The following MRGBP variants were observed in gnomAD, a reference collection of about 807,000 sequenced individuals.
MRGBP encodes MRG/MORF4L-binding protein.
In MRGBP, 5 loss-of-function variants were observed where a neutral mutation model predicts 21.5. The observed-to-expected ratio is 0.23, with a 90% CI of 0.12 to 0.49. The LOEUF is 0.49. Among genes scored for constraint, MRGBP ranks in the 20% least tolerant of loss-of-function variants. The pLI is 0.98. For missense variants in MRGBP, 227 were observed against 277.4 expected, an observed-to-expected ratio of 0.82 and a Z score of 1.29; for synonymous variants, 118 against 104.4, an observed-to-expected ratio of 1.13 and a Z score of -0.79.
At chr20:62,798,310 C>A (rs765039182) in intron 2 of MRGBP, among the ~76,000 whole-genome samples, 1 of 152,164 alleles carries the variant, frequency 6.6e-6, no homozygotes, top group Admixed American at 6.5e-5. Context: ...CCTCAGGGCC[C>A]GCCTTAGTGA....
chr20:62,798,597 AG>A lies in MRGBP; in HGVS notation c.282del (p.Ile95PhefsTer26). On this transcript the variant is annotated frameshift_variant, in exon 3 of 5. Coordinates refer to ENST00000370487, the MANE Select transcript of MRGBP (RefSeq NM_018270.6). LOFTEE classifies it high-confidence loss of function. ...TCTATTTGATATCAGCATGAGTCTGAGATTCTTCCATTCCCGAATCCAGAGA... is the reference window on the plus strand; with the variant it reads ...TCTATTTGATATCAGCATGAGTCTGAATTCTTCCATTCCCGAATCCAGAGA... ...MYDMQALHES[E>X]ILPFPNPERN... 6.2e-7 allele frequency: 1 copy of A among 1,613,252 alleles called. No homozygotes were observed. The highest frequency in any genetic ancestry group is 8.5e-7 in the Non-Finnish European group (1 of 1,179,470).
intron 2 of MRGBP, 137 bp from the exon 3 acceptor site, chr20:62,798,450 C>A: frequency 1.4e-6 from 1 of 700,394 alleles, no homozygotes; most frequent in Non-Finnish European, 2.5e-6. Context: ...TTGCCCTTGC[C>A]CCGCCCGCCG....
rs138199693 is a variant in MRGBP at position 62,797,961 on chromosome 20, G to T, written c.271-626G>T. Among the ~76,000 whole-genome samples, 829 of 152,268 alleles carry T rather than the reference G, an allele frequency of 5.4e-3. 2 individuals carry two copies. The highest frequency in any genetic ancestry group is 8.0e-3 in the Non-Finnish European group (542 of 68,004). ...ACCAGGAGGAGTGGGGACCTGTGCT[G>T]GTGGAGAGTCTGTGCCAGCCACGTT... On this transcript the variant is annotated intron_variant, in intron 2 of 4. Transcript: ENST00000370487.
chr20:62,799,244 C>T (rs935225719), intron 4 of MRGBP, among the ~76,000 whole-genome samples, 195 bp downstream of exon 4: 10 of 152,110 alleles, frequency 6.6e-5, no homozygotes, highest in African/African-American at 2.4e-5. Context: ...AGGCCAGGGT[C>T]TGAGCGGCGG....
At position 62,800,511 on chromosome 20, in the gene MRGBP, G is replaced by C. The variant is rs1035837374; in HGVS notation, c.*868G>C. 1 of 152,332 alleles carries C rather than the reference G, an allele frequency of 6.6e-6. No individual in the cohort carries two copies. The highest frequency in any genetic ancestry group is 1.5e-5 in the Non-Finnish European group (1 of 68,032). The allele number at this position is 152,332 out of a possible 1,614,324, so 9.4% of individuals were successfully genotyped here. ...AGAGGCGGGGACCGTGCAGCTGTCG[G>C]CTGATGAGGAGGCGGCCGCCCCAGT... On this transcript the variant is annotated 3_prime_UTR_variant, in exon 5 of 5. Transcript: ENST00000370487.
At position 62,800,342 on chromosome 20, in the gene MRGBP, C is replaced by T. The variant is rs569650227; in HGVS notation, c.*699C>T. The T allele has an allele frequency of 6.5e-6, 1 of 152,690 alleles. No homozygotes were observed. The highest frequency in any genetic ancestry group is 1.9e-4 in the East Asian group (1 of 5,192). 9.5% of individuals were successfully genotyped at this position (152,690 alleles called of 1,614,324 possible). Reference sequence around the variant, plus strand: ...AGTGTTTTATATGAACAAAGTACTGCAGAAGTTAAACCTGTGTTGTATTTT... The same window carrying T: ...AGTGTTTTATATGAACAAAGTACTGTAGAAGTTAAACCTGTGTTGTATTTT... On this transcript the variant is annotated 3_prime_UTR_variant, in exon 5 of 5. Transcript: ENST00000370487.
intron 2 of MRGBP, 82 bp downstream of exon 2, chr20:62,797,313 C>T (rs1990359727): frequency 6.8e-7 from 1 of 1,468,774 alleles, no homozygotes; most frequent in African/African-American, 1.4e-5. Context: ...CTGAGCTGGG[C>T]AGAGGCCCCT....
rs1600762797 is a variant in MRGBP, at chr20:62,796,502, C to A, written c.-22C>A. The A allele has an allele frequency of 1.8e-6, 2 of 1,131,858 alleles. No individual in the cohort carries two copies. Among genetic ancestry groups the A allele is most frequent in the Non-Finnish European group, 1.1e-6 (1 of 923,816 alleles). 70.1% of individuals were successfully genotyped at this position (1,131,858 alleles called of 1,614,324 possible). Reference sequence around the variant, plus strand: ...CCGCGCCTGCTCCCGCCGGGGGCTCCTTGCTCGGCCGGGCCGCGGCCATGG... The same window carrying A: ...CCGCGCCTGCTCCCGCCGGGGGCTCATTGCTCGGCCGGGCCGCGGCCATGG... On this transcript the variant is annotated 5_prime_UTR_variant, in exon 1 of 5. Transcript: ENST00000370487.
At chr20:62,797,491 C>T (rs751561697) in intron 2 of MRGBP, among the ~76,000 whole-genome samples, 1 of 152,192 alleles carries the variant, frequency 6.6e-6, no homozygotes, top group Non-Finnish European at 1.5e-5. Context: ...GAGGACATCC[C>T]GGGGCTCCAG....
At chr20:62,797,032 TC>T (rs1990352775) in intron 1 of MRGBP, 77 bp from the exon 2 acceptor site, 2 of 1,293,382 alleles carry the variant, frequency 1.5e-6, no homozygotes, top group Admixed American at 2.5e-5. Flanking sequence ...GCCCCTCCAG[TC>T]CCCAGGGCAG....
intron 3 of MRGBP, 38 bp from the exon 4 acceptor site, chr20:62,798,937 C>T (rs1050697422): frequency 4.3e-6 from 7 of 1,612,542 alleles, no homozygotes; most frequent in African/African-American, 4.0e-5. Context: ...CGGCCACCAC[C>T]GTGGGTTTTC....
rs1352517432 is a variant in MRGBP at position 62,799,097 on chromosome 20, C to G, written c.427+48C>G. The G allele has an allele frequency of 3.4e-5, 53 of 1,558,352 alleles. 1 individual carries two copies. The highest frequency in any genetic ancestry group is 4.5e-5 in the Non-Finnish European group (52 of 1,145,798). ...CCTGATGCCCTTTGGGGCTCAGCAC[C>G]CCAAGACTGCCTTCAGGCAGGGCAC... On this transcript the variant is annotated intron_variant, in intron 4 of 4. Transcript: ENST00000370487.
chr20:62,801,061 G>A lies in MRGBP; in HGVS notation c.*1418G>A, dbSNP rs576032443. 4 of 152,304 alleles carry A rather than the reference G, an allele frequency of 2.6e-5. No individual in the cohort carries two copies. Among genetic ancestry groups the A allele is most frequent in the African/African-American group, 4.8e-5 (2 of 41,528 alleles). 9.4% of individuals were successfully genotyped at this position (152,304 alleles called of 1,614,324 possible). A position where few individuals can be genotyped will look rare whatever the true frequency, so the allele number is the denominator to read the frequency against. On this transcript the variant is annotated 3_prime_UTR_variant, in exon 5 of 5. Coordinates refer to ENST00000370487, the MANE Select transcript of MRGBP (RefSeq NM_018270.6). ...TCCCTGAAGTCCTCCTCACCATGAC[G>A]CAGATCACAAGGCACCCACTAAAGG...
At chr20:62,797,330 C>T in intron 2 of MRGBP, 99 bp downstream of exon 2, 1 of 1,407,172 alleles carries the variant, frequency 7.1e-7, no homozygotes, top group Non-Finnish European at 9.3e-7. Context: ...CCCTCCATGT[C>T]TGCTGGGGTC....
chr20:62,800,626 G>C lies in MRGBP; in HGVS notation c.*983G>C, dbSNP rs1377478720. The C allele has an allele frequency of 3.9e-5, 6 of 152,168 alleles. No homozygotes were observed. In the East Asian group the frequency reaches 1.2e-3, roughly 29 times the overall value. 9.4% of individuals were successfully genotyped at this position (152,168 alleles called of 1,614,324 possible). A position where few individuals can be genotyped will look rare whatever the true frequency, so the allele number is the denominator to read the frequency against. On this transcript the variant is annotated 3_prime_UTR_variant, in exon 5 of 5. Transcript: ENST00000370487. ...TTGTGTGATTTTGATACCAAAGTAA[G>C]TTCACTTTTCCTCCAAAAGGAAGTT...
At chr20:62,798,765 G>A (rs1009116717) in intron 3 of MRGBP, 97 bp downstream of exon 3, 1 of 1,590,498 alleles carries the variant, frequency 6.3e-7, no homozygotes, top group African/African-American at 1.3e-5. Context: ...CTCCAGGGAG[G>A]TGTGAGGGTC....
At position 62,796,527 on chromosome 20, in the gene MRGBP, G is replaced by A. The variant is rs2054921314; in HGVS notation, c.4G>A (p.Gly2Arg). Residue 2 changes from glycine (G) to arginine (R), a missense_variant, in exon 1 of 5, where the codon GGA (glycine) becomes AGA (arginine). Physicochemically the swap from Gly to Arg is moderately radical, Grantham distance 125 (BLOSUM62 -2). Coordinates refer to ENST00000370487, the MANE Select transcript of MRGBP (RefSeq NM_018270.6). The part of the protein sequence containing the change: M[G>R]EAEVGGGGAA... ...CTTGCTCGGCCGGGCCGCGGCCATG[G>A]GAGAGGCCGAGGTGGGCGGCGGGGG... 8.6e-7 allele frequency: 1 copy of A among 1,162,938 alleles called. No individual in the cohort carries two copies. Among genetic ancestry groups the A allele is most frequent in the Non-Finnish European group, 1.1e-6 (1 of 942,576 alleles). The allele number at this position is 1,162,938 out of a possible 1,614,324, so 72.0% of individuals were successfully genotyped here.
In MRGBP at chr20:62,801,228, T is replaced by TA. The variant is rs1196052048; in HGVS notation, c.*1586dup. 1 of 152,142 alleles carries TA rather than the reference T, an allele frequency of 6.6e-6. No individual in the cohort carries two copies. The highest frequency in any genetic ancestry group is 2.4e-5 in the African/African-American group (1 of 41,428). The allele number at this position is 152,142 out of a possible 1,614,324, so 9.4% of individuals were successfully genotyped here. On this transcript the variant is annotated 3_prime_UTR_variant, in exon 5 of 5. Transcript: ENST00000370487. ...GCCTGCCTGAGCTGTATTCCAAGGG[T>TA]AGAGCAGCTGCCTGGGGGGACCCTG...
chr20:62,799,126 C>A, intron 4 of MRGBP, 77 bp downstream of exon 4: 1 of 1,472,512 alleles, frequency 6.8e-7, no homozygotes, highest in East Asian at 2.5e-5. Context: ...AGGGCACAGT[C>A]AGGTGGGCGT....
Sources: allele counts gnomAD v4.1 joint callset (sites outside exome capture counted in the v4.1 genomes callset), GRCh38; gene constraint gnomAD v4.1.1; transcripts MANE v1.5; gene names NCBI Gene and HGNC (gene_info 2026-07-23, HGNC 2026-07-21).